RANBP2: variants seen among roughly 807,000 people sequenced by gnomAD.
RANBP2 encodes E3 SUMO-protein ligase RanBP2.
Under a neutral mutation model 303.6 loss-of-function variants are expected in RANBP2, and 57 were observed. The observed-to-expected ratio is 0.19, with a 90% confidence interval of 0.15 to 0.23. The LOEUF (loss-of-function observed/expected upper bound fraction) is 0.23, where lower values mean the gene tolerates loss of function less well. Ranked by LOEUF, RANBP2 falls within the 10% of genes least tolerant of loss-of-function variation. The pLI is 1.00. For missense variants in RANBP2, 3,138 were observed against 3,780.8 expected, an observed-to-expected ratio of 0.83 and a Z score of 4.46; for synonymous variants, 1,167 against 1,301.5, an observed-to-expected ratio of 0.90 and a Z score of 2.23.
chr2:109,098,895 G>A, the RANBP2 span, among the ~76,000 whole-genome samples: 1 of 152,200 alleles, frequency 6.6e-6, no homozygotes, highest in African/African-American at 2.4e-5. Flanking sequence ...ATGGGTTCAG[G>A]AAAAGTTGTG....
At chr2:108,748,326 G>GC (rs1675542495) in intron 8 of RANBP2, among the ~76,000 whole-genome samples, 1 of 150,322 alleles carries the variant, frequency 6.7e-6, no homozygotes, top group Admixed American at 6.6e-5. Context: ...TCCTCCCTCA[G>GC]CCTCCCCAGT....
the RANBP2 span, among the ~76,000 whole-genome samples, chr2:109,289,690 G>A: frequency 6.6e-6 from 1 of 152,140 alleles, no homozygotes; most frequent in East Asian, 1.9e-4. Context: ...GCACTTCATA[G>A]CATAGAAGAT....
chr2:109,473,152 T>A, the RANBP2 span, among the ~76,000 whole-genome samples: 1 of 152,198 alleles, frequency 6.6e-6, no homozygotes, highest in Non-Finnish European at 1.5e-5. Context: ...TCAAGTTAAC[T>A]CTTGCAAAGC....
chr2:108,822,590 ACAT>A, the RANBP2 span, among the ~76,000 whole-genome samples: 1 of 152,234 alleles, frequency 6.6e-6, no homozygotes, highest in African/African-American at 2.4e-5. Context: ...TCAAAGATTG[ACAT>A]CATTACAAAA....
At chr2:109,183,940 T>G in the RANBP2 span, among the ~76,000 whole-genome samples, 1 of 152,136 alleles carries the variant, frequency 6.6e-6, no homozygotes, top group Non-Finnish European at 1.5e-5. Context: ...CAGTTGCAGG[T>G]GAGTGCCCCA....
At chr2:108,805,061 T>TTA in the RANBP2 span, 1 of 1,021,790 alleles carries the variant, frequency 9.8e-7, no homozygotes, top group African/African-American at 1.7e-5. Context: ...GAAGTATATT[T>TTA]TATATATAAC....
At chr2:109,246,802 C>T in the RANBP2 span, among the ~76,000 whole-genome samples, 17 of 152,192 alleles carry the variant, frequency 1.1e-4, no homozygotes, top group Non-Finnish European at 4.4e-5. Flanking sequence ...AGTTGAACTG[C>T]AGTCGGATGC....
chr2:108,738,377 T>A (rs1320202249), intron 6 of RANBP2, among the ~76,000 whole-genome samples: 1 of 151,828 alleles, frequency 6.6e-6, no homozygotes, highest in Admixed American at 6.6e-5. Flanking sequence ...GCCCAGCTGG[T>A]CCTGATCTCT....
the RANBP2 span, among the ~76,000 whole-genome samples, chr2:109,507,662 G>C: frequency 4.2e-3 from 637 of 152,334 alleles, 3 homozygotes; most frequent in Middle Eastern, 0.01. Flanking sequence ...ACCAGGGTCA[G>C]CTGGTGTTTA....
At chr2:109,614,322 C>G in the RANBP2 span, 5 of 634,632 alleles carry the variant, frequency 7.9e-6, no homozygotes, top group Non-Finnish European at 1.1e-5. Context: ...CGTGTCCGCC[C>G]GGGCGCGGCC....
chr2:108,813,256 A>AAAAC, the RANBP2 span, among the ~76,000 whole-genome samples: 1 of 150,024 alleles, frequency 6.7e-6, no homozygotes, highest in East Asian at 1.9e-4. Flanking sequence ...CTCAAAAAAA[A>AAAAC]AAAAAAAAAA....
At position 108,764,851 on chromosome 2, in the gene RANBP2, T is replaced by C; in HGVS notation, c.4312T>C (p.Cys1438Arg). ...ACCTACTGTATCTAGGTGCATTGCGTGTCAGAATACAAAATCTGCTAACAA... is the reference window on the plus strand; with the variant it reads ...ACCTACTGTATCTAGGTGCATTGCGCGTCAGAATACAAAATCTGCTAACAA... ...NEPTVSRCIA[C>R]QNTKSANKSG... The change falls in exon 20 of 29, where the codon TGT becomes CGT. Residue 1438 changes from cysteine (C) to arginine (R), a missense_variant. Cys to Arg is a radical substitution (Grantham distance 180). Around this residue, in one of 20 missense-constraint regions of RANBP2, gnomAD observed 388 missense variants for 328.5 expected, o/e 1.18. Transcript: ENST00000283195. 1.2e-6 allele frequency: 2 copies of C among 1,614,062 alleles called. No homozygotes were observed. Among genetic ancestry groups the C allele is most frequent in the Non-Finnish European group, 1.7e-6 (2 of 1,179,932 alleles).
chr2:109,744,363 G>C, the RANBP2 span, among the ~76,000 whole-genome samples: 4 of 93,542 alleles, frequency 4.3e-5, 2 homozygotes, highest in Non-Finnish European at 1.1e-4. Context: ...TTTCTTTGAT[G>C]AATTAGTGAT....
chr2:109,118,341 G>A, the RANBP2 span, among the ~76,000 whole-genome samples: 2 of 151,964 alleles, frequency 1.3e-5, no homozygotes, highest in Non-Finnish European at 2.9e-5. Flanking sequence ...CGACAACACA[G>A]CTATCCCAGG....
chr2:109,395,807 C>T, the RANBP2 span, among the ~76,000 whole-genome samples: 322 of 152,342 alleles, frequency 2.1e-3, 1 homozygote, highest in African/African-American at 7.5e-3. Flanking sequence ...GAAATCCATG[C>T]TGACATTCAG....
At chr2:109,327,552 C>T in the RANBP2 span, among the ~76,000 whole-genome samples, 1 of 152,200 alleles carries the variant, frequency 6.6e-6, no homozygotes, top group Non-Finnish European at 1.5e-5. Flanking sequence ...TGCATTTGAA[C>T]TATACATCAA....
At chr2:109,646,312 A>G in the RANBP2 span, among the ~76,000 whole-genome samples, 1 of 152,222 alleles carries the variant, frequency 6.6e-6, no homozygotes, top group Non-Finnish European at 1.5e-5. Context: ...TCATCCAGAT[A>G]AATGATATTT....
At chr2:109,549,831 G>A in the RANBP2 span, among the ~76,000 whole-genome samples, 18 of 152,270 alleles carry the variant, frequency 1.2e-4, no homozygotes, top group South Asian at 3.3e-3. Context: ...AACAATGTAT[G>A]TAATAAAAGT....
chr2:108,854,559 G>A, the RANBP2 span, among the ~76,000 whole-genome samples: 2 of 152,092 alleles, frequency 1.3e-5, no homozygotes, highest in African/African-American at 4.8e-5. Flanking sequence ...TCAGAATTGA[G>A]GTCTGTTAGA....
Sources: gnomAD v4.1 joint callset for allele counts (sites outside exome capture counted in the v4.1 genomes callset) on GRCh38, gnomAD v4.1.1 for gene constraint, gnomAD v4.1.1 regional missense constraint, MANE v1.5 for transcripts, NCBI Gene and HGNC (gene_info 2026-07-23, HGNC 2026-07-21) for gene names.